The following DDB2 variants were observed in gnomAD, a reference collection of about 807,000 sequenced individuals.
DDB2 encodes DNA damage-binding protein 2.
Under a neutral mutation model 50.5 loss-of-function variants are expected in DDB2, and 27 were observed. That is an observed-to-expected ratio of 0.53 (90% CI 0.39 to 0.74). The LOEUF (loss-of-function observed/expected upper bound fraction) is 0.74. Ranked by LOEUF, DDB2 falls within the 30% of genes least tolerant of loss-of-function variation. The pLI is 0.00. For synonymous variants in DDB2, 176 were observed against 205.5 expected, an observed-to-expected ratio of 0.86 and a Z score of 1.23; for missense variants, 424 against 545.6, an observed-to-expected ratio of 0.78 and a Z score of 2.22.
chr11:47,234,509 C>G (rs1455000120), intron 4 of DDB2, 64 bp from the exon 5 acceptor site: 6 of 1,356,430 alleles, frequency 4.4e-6, no homozygotes, highest in Non-Finnish European at 6.3e-6. Flanking sequence ...ACCGGAGCGG[C>G]AACAGTGAGT....
chr11:47,238,707 T>A (rs1482948512), intron 9 of DDB2, 93 bp from the exon 10 acceptor site: 6 of 1,452,082 alleles, frequency 4.1e-6, no homozygotes, highest in Non-Finnish European at 5.8e-6. Flanking sequence ...CTTCCTAGTA[T>A]TTCTTTACCA....
chr11:47,215,321 G>T, intron 1 of DDB2, 58 bp downstream of exon 1: 1 of 1,610,942 alleles, frequency 6.2e-7, no homozygotes. Context: ...CGCGCAGGAG[G>T]CTGCAGCGGG....
At chr11:47,234,969 C>T in intron 6 of DDB2, 35 bp downstream of exon 6, 1 of 1,610,056 alleles carries the variant, frequency 6.2e-7, no homozygotes, top group Middle Eastern at 1.7e-4. Flanking sequence ...TCCTGCAGAC[C>T]CTGCCTGTCT....
Position 47,221,276 on chromosome 11 carries a change from AT to A in DDB2, c.456+4240del, listed in dbSNP as rs573725356. 8.6e-3 allele frequency among the ~76,000 whole-genome samples: 1,226 copies of A among 142,834 alleles called. 14 individuals are homozygous for A. Among genetic ancestry groups the A allele is most frequent in the African/African-American group, 0.024 (938 of 39,186 alleles). The allele number at this position is 142,834 out of a possible 152,430, so 93.7% of individuals were successfully genotyped here. A position where few individuals can be genotyped will look rare whatever the true frequency, so the allele number is the denominator to read the frequency against. ...GCATCCCTCTGTGCATGTGTACACTATTTTTTTTTTTTTCCAAGTCTGAGTC... is the reference window on the plus strand; with the variant it reads ...GCATCCCTCTGTGCATGTGTACACTATTTTTTTTTTTTCCAAGTCTGAGTC... On this transcript the variant is annotated intron_variant, in intron 3 of 9. Coordinates refer to ENST00000256996, the MANE Select transcript of DDB2 (RefSeq NM_000107.3).
chr11:47,229,350 G>T (rs1953610000), intron 3 of DDB2, among the ~76,000 whole-genome samples: 1 of 152,174 alleles, frequency 6.6e-6, no homozygotes, highest in African/African-American at 2.4e-5. Context: ...GGAGTCAAGT[G>T]GGGTGAGCAG....
chr11:47,219,948 C>T (rs961630041), intron 3 of DDB2, among the ~76,000 whole-genome samples: 1 of 152,122 alleles, frequency 6.6e-6, no homozygotes, highest in Middle Eastern at 3.2e-3. Flanking sequence ...CCACCACACC[C>T]GGCTACTTTT....
intron 1 of DDB2, chr11:47,215,877 G>A (rs1021846443): frequency 6.8e-6 from 2 of 292,570 alleles, no homozygotes; most frequent in Non-Finnish European, 6.6e-6. Flanking sequence ...CTCCCCAGAA[G>A]TAACCTAGTT....
At position 47,234,661 on chromosome 11, in the gene DDB2, G is replaced by A. The variant is rs781117402; in HGVS notation, c.691G>A (p.Asp231Asn). Reference protein sequence around the residue: ...NVGNVILLNMDGKELWNLRMH... With the variant: ...NVGNVILLNMNGKELWNLRMH... ...GGGGAACGTGATCCTGCTGAACATG[G>A]ACGGCAAAGAGGTGCGTTCTCCGAG... The change falls in exon 5 of 10, where the codon GAC becomes AAC. Residue 231 changes from aspartate to asparagine, a missense_variant. Asp to Asn is a conservative substitution (Grantham distance 23, BLOSUM62 1). Coordinates refer to ENST00000256996, the MANE Select transcript of DDB2 (RefSeq NM_000107.3). The A allele has an allele frequency of 6.2e-7, 1 of 1,614,116 alleles. No homozygotes were observed. Among genetic ancestry groups the A allele is most frequent in the South Asian group, 1.1e-5 (1 of 91,076 alleles).
At chr11:47,232,195 T>G (rs2135508159) in intron 3 of DDB2, among the ~76,000 whole-genome samples, 1 of 151,860 alleles carries the variant, frequency 6.6e-6, no homozygotes, top group African/African-American at 2.4e-5. Flanking sequence ...AATATACAAT[T>G]TAGCCATGCG....
chr11:47,237,202 AG>A (rs1246046047), intron 7 of DDB2, among the ~76,000 whole-genome samples: 2 of 152,136 alleles, frequency 1.3e-5, no homozygotes, highest in African/African-American at 4.8e-5. Flanking sequence ...GCTTTGTTGT[AG>A]GCCTCTTAGG....
chr11:47,223,656 C>A (rs2135494461), intron 3 of DDB2, among the ~76,000 whole-genome samples: 1 of 152,110 alleles, frequency 6.6e-6, no homozygotes, highest in Non-Finnish European at 1.5e-5. Flanking sequence ...GTGGTGGGCG[C>A]CTGTAGTCCC....
chr11:47,231,339 G>A (rs555020571), intron 3 of DDB2, among the ~76,000 whole-genome samples: 11 of 152,086 alleles, frequency 7.2e-5, no homozygotes, highest in Non-Finnish European at 1.6e-4. Flanking sequence ...TCTAAAGAGA[G>A]CACTGTGGGA....
chr11:47,215,239 A>G lies in DDB2; in HGVS notation c.103A>G (p.Lys35Glu), dbSNP rs775814662. The G allele has an allele frequency of 3.7e-6, 6 of 1,613,902 alleles. No individual in the cohort carries two copies. The highest frequency in any genetic ancestry group is 5.1e-6 in the Non-Finnish European group (6 of 1,179,976). ...RSPLELEPEA[K>E]KLCAKGSGPS... ...TCCCCTGGAGCTGGAGCCCGAGGCC[A>G]AGAAGCTCTGTGCGAAGGGCTCCGG... is the stretch of plus-strand genomic sequence containing the variant. Residue 35 changes from lysine to glutamate, a missense_variant, in exon 1 of 10, where the codon AAG becomes GAG. Physicochemically the swap from Lys to Glu is moderately conservative, Grantham distance 56. Coordinates refer to ENST00000256996, the MANE Select transcript of DDB2 (RefSeq NM_000107.3).
chr11:47,231,613 T>C (rs1265707559), intron 3 of DDB2, among the ~76,000 whole-genome samples: 1 of 152,178 alleles, frequency 6.6e-6, no homozygotes, highest in Non-Finnish European at 1.5e-5. Context: ...AGCCTCGACC[T>C]CCAGGCTTCC....
intron 3 of DDB2, among the ~76,000 whole-genome samples, chr11:47,227,656 C>G (rs1953580166): frequency 1.3e-5 from 2 of 151,964 alleles, no homozygotes; most frequent in Admixed American, 1.3e-4. Flanking sequence ...CACCCACCAC[C>G]ACGCCCAGCT....
chr11:47,216,907 A>C lies in DDB2; in HGVS notation c.314A>C (p.Gln105Pro). 1 of 1,614,082 alleles carries C rather than the reference A, an allele frequency of 6.2e-7. No homozygotes were observed. ...LHTLDSYRILQKAAPFDRRAT... is the reference protein window; with the variant it reads ...LHTLDSYRILPKAAPFDRRAT... Reference sequence around the variant, plus strand: ...ACTCTGGATTCTTACCGGATATTACAAAAGGCTGCCCCCTTTGACAGGAGG... The same window carrying C: ...ACTCTGGATTCTTACCGGATATTACCAAAGGCTGCCCCCTTTGACAGGAGG... The change falls in exon 3 of 10, where the codon CAA becomes CCA. Residue 105 changes from glutamine to proline, a missense_variant. By Grantham distance (76) the Gln-to-Pro change is moderately conservative. Transcript: ENST00000256996.
At chr11:47,236,553 G>A (rs1834812449) in intron 7 of DDB2, among the ~76,000 whole-genome samples, 2 of 152,184 alleles carry the variant, frequency 1.3e-5, no homozygotes, top group Non-Finnish European at 2.9e-5. Context: ...GAATCCTTGG[G>A]CAAATTACTT....
At chr11:47,214,684 T>G, upstream of DDB2, 1 of 239,572 alleles carries the variant, frequency 4.2e-6, no homozygotes, top group Non-Finnish European at 8.4e-6. Flanking sequence ...GGTGGGAGGA[T>G]CGCTTGAGCC....
intron 3 of DDB2, among the ~76,000 whole-genome samples, chr11:47,226,249 TTC>T (rs1690990132): frequency 6.6e-6 from 1 of 152,026 alleles, no homozygotes; most frequent in Non-Finnish European, 1.5e-5. Flanking sequence ...ATGTCCCAAC[TTC>T]TCTACTTCCC....
Sources: allele counts gnomAD v4.1 joint callset (sites outside exome capture counted in the v4.1 genomes callset), GRCh38; gene constraint gnomAD v4.1.1; transcripts MANE v1.5; gene names NCBI Gene and HGNC (gene_info 2026-07-23, HGNC 2026-07-21).